NRXN3: variants seen among roughly 807,000 people sequenced by gnomAD.
NRXN3 encodes the protein neurexin 3, also known as neurexin III.
In NRXN3, 32 loss-of-function variants were observed where a neutral mutation model predicts 137.6. The ratio of observed to expected loss-of-function variants is 0.23; its 90% CI spans 0.18 to 0.31. NRXN3 has a LOEUF of 0.31. Ranked by LOEUF, NRXN3 falls within the 10% of genes least tolerant of loss-of-function variation. The pLI is 1.00. For missense variants in NRXN3, 1,574 were observed against 2,062.5 expected (o/e 0.76, Z 4.59); for synonymous variants, 798 against 784.5 (o/e 1.02, Z -0.29).
At chr14:79,756,141 G>A (rs961928140) in intron 19 of NRXN3, among the ~76,000 whole-genome samples, 2 of 152,066 alleles carry the variant, frequency 1.3e-5, no homozygotes, top group Admixed American at 6.6e-5. Context: ...GAACACATAC[G>A]AGGGAACGAA....
chr14:78,587,743 T>A (rs757233325), intron 4 of NRXN3, among the ~76,000 whole-genome samples: 191 of 152,348 alleles, frequency 1.3e-3, no homozygotes, highest in Admixed American at 2.2e-3. Context: ...TCAACCATTT[T>A]AAACTTTTTC....
Position 78,353,198 on chromosome 14 carries a change from A to T in NRXN3, c.757+55338A>T, listed in dbSNP as rs76308861. Among the ~76,000 whole-genome samples, 1,257 of 152,286 alleles carry T rather than the reference A, an allele frequency of 8.3e-3. 41 individuals carry two copies. The East Asian group carries it at 0.085, about 10-fold the overall frequency. The stretch of plus-strand genomic sequence containing the variant: ...TGCTAAGGAAAGTCAGGGAAAGCAC[A>T]AGACCCCACGTCTCTGGTTCCCACA... On this transcript the variant is annotated intron_variant, in intron 4 of 20. Coordinates refer to ENST00000335750, the MANE Select transcript of NRXN3 (RefSeq NM_001330195.2).
At chr14:79,170,612 T>C (rs994796884) in intron 15 of NRXN3, among the ~76,000 whole-genome samples, 1 of 151,470 alleles carries the variant, frequency 6.6e-6, no homozygotes, top group Non-Finnish European at 1.5e-5. Context: ...ACATCTCTAC[T>C]TTTTTTTGTT....
intron 15 of NRXN3, among the ~76,000 whole-genome samples, chr14:79,393,977 GGAA>G (rs1244813809): frequency 2.6e-5 from 4 of 152,134 alleles, no homozygotes; most frequent in Non-Finnish European, 5.9e-5. Context: ...CCAGTAGGGT[GGAA>G]GTCAGAAATT....
chr14:78,282,551 A>C (rs1029821071), intron 3 of NRXN3: 1 of 168,864 alleles, frequency 5.9e-6, no homozygotes, highest in African/African-American at 2.4e-5. Context: ...ATGAGGAAAT[A>C]GGCCTCCTGC....
At chr14:79,394,916 A>G (rs2094968739) in intron 15 of NRXN3, among the ~76,000 whole-genome samples, 2 of 152,206 alleles carry the variant, frequency 1.3e-5, no homozygotes, top group African/African-American at 2.4e-5. Flanking sequence ...ATGTAAATGC[A>G]GTTCTGTCTA....
chr14:79,151,672 CTG>C (rs747518267), intron 15 of NRXN3, among the ~76,000 whole-genome samples: 1 of 151,992 alleles, frequency 6.6e-6, no homozygotes, highest in Non-Finnish European at 1.5e-5. Flanking sequence ...CTCTGAGAAT[CTG>C]AGATTTCCAG....
At chr14:79,855,808 A>T (rs915494065) in intron 20 of NRXN3, among the ~76,000 whole-genome samples, 3 of 152,168 alleles carry the variant, frequency 2.0e-5, no homozygotes, top group Non-Finnish European at 4.4e-5. Context: ...TATAAAAAAT[A>T]CTTGATATGC....
intron 20 of NRXN3, among the ~76,000 whole-genome samples, chr14:79,834,149 G>A (rs1236312895): frequency 1.3e-5 from 2 of 152,088 alleles, no homozygotes; most frequent in Non-Finnish European, 2.9e-5. Flanking sequence ...ACATAAACAG[G>A]TCCCACGGCT....
At chr14:79,190,357 C>T (rs1315089739) in intron 15 of NRXN3, among the ~76,000 whole-genome samples, 2 of 152,092 alleles carry the variant, frequency 1.3e-5, no homozygotes, top group Non-Finnish European at 2.9e-5. Context: ...GGGCTCACGG[C>T]ATATAGTAAG....
At chr14:78,274,917 A>T (rs2073358107) in intron 2 of NRXN3, among the ~76,000 whole-genome samples, 1 of 152,130 alleles carries the variant, frequency 6.6e-6, no homozygotes, top group Non-Finnish European at 1.5e-5. Flanking sequence ...CCTACTGAGG[A>T]CGTGTGTGAA....
At chr14:78,991,458 T>C (rs1390129135) in intron 15 of NRXN3, among the ~76,000 whole-genome samples, 2 of 152,212 alleles carry the variant, frequency 1.3e-5, no homozygotes, top group African/African-American at 4.8e-5. Context: ...TGAAATTTAA[T>C]TGTAAAAAGC....
At chr14:79,797,841 C>A (rs541621970) in intron 19 of NRXN3, among the ~76,000 whole-genome samples, 4 of 152,104 alleles carry the variant, frequency 2.6e-5, no homozygotes, top group Admixed American at 2.6e-4. Context: ...GCCTGTAGTC[C>A]CAGCACTTTG....
At chr14:79,783,115 G>A (rs753191713) in intron 19 of NRXN3, among the ~76,000 whole-genome samples, 2 of 152,144 alleles carry the variant, frequency 1.3e-5, no homozygotes, top group African/African-American at 2.4e-5. Flanking sequence ...TAAATGTCCC[G>A]AGAGCTTTGC....
At chr14:78,915,862 A>T (rs547929057) in intron 10 of NRXN3, among the ~76,000 whole-genome samples, 1 of 152,290 alleles carries the variant, frequency 6.6e-6, no homozygotes, top group Non-Finnish European at 1.5e-5. Context: ...CCAAGACAAG[A>T]CACTCAAGAG....
intron 19 of NRXN3, among the ~76,000 whole-genome samples, chr14:79,766,825 C>T (rs2099057606): frequency 6.6e-6 from 1 of 152,128 alleles, no homozygotes; most frequent in Admixed American, 6.6e-5. Flanking sequence ...GCATGGTTGG[C>T]AGAGATTGCC....
rs144451847 is a variant in NRXN3, at chr14:79,368,575, T to C, written c.3263-98646T>C. Among the ~76,000 whole-genome samples, 19 of 152,338 alleles carry C rather than the reference T, an allele frequency of 1.2e-4. No individual in the cohort carries two copies. The East Asian group carries it at 3.7e-3, about 29-fold the overall frequency. On this transcript the variant is annotated intron_variant, in intron 15 of 20. Transcript: ENST00000335750. ...CTCAGTCAATACTCTGCATAGCATC[T>C]TTGAATTCCTTACTCATCAAAGGGT... is the stretch of plus-strand genomic sequence containing the variant.
At chr14:78,562,043 C>T (rs2096791185) in intron 4 of NRXN3, among the ~76,000 whole-genome samples, 1 of 152,218 alleles carries the variant, frequency 6.6e-6, no homozygotes, top group Non-Finnish European at 1.5e-5. Flanking sequence ...TAGACTCTCT[C>T]TCTACCCTCT....
intron 8 of NRXN3, among the ~76,000 whole-genome samples, chr14:78,740,931 T>C (rs1486060563): frequency 3.3e-5 from 5 of 152,172 alleles, no homozygotes; most frequent in African/African-American, 7.2e-5. Context: ...TAAAAGAAAA[T>C]AGCTCTGTGC....
Sources: allele counts gnomAD v4.1 joint callset (sites outside exome capture counted in the v4.1 genomes callset), GRCh38; gene constraint gnomAD v4.1.1; transcripts MANE v1.5; gene names NCBI Gene and HGNC (gene_info 2026-07-23, HGNC 2026-07-21).